The following TAFA2 variants were observed in gnomAD, a reference collection of about 807,000 sequenced individuals.
TAFA2 encodes chemokine-like protein TAFA-2.
Under a neutral mutation model 18.8 loss-of-function variants are expected in TAFA2, and 7 were observed. The ratio of observed to expected loss-of-function variants is 0.37; its 90% CI spans 0.21 to 0.70. The LOEUF (loss-of-function observed/expected upper bound fraction) is 0.70. Ranked by LOEUF, TAFA2 falls within the 30% of genes least tolerant of loss-of-function variation. TAFA2 has a pLI of 0.53. For missense variants in TAFA2, 122 were observed against 158.1 expected, an observed-to-expected ratio of 0.77 and a Z score of 1.23; for synonymous variants, 60 against 54.2, an observed-to-expected ratio of 1.11 and a Z score of -0.47.
chr12:61,916,430 G>A (rs930548670), intron 1 of TAFA2, among the ~76,000 whole-genome samples: 4 of 152,188 alleles, frequency 2.6e-5, no homozygotes, highest in African/African-American at 9.7e-5. Flanking sequence ...ACTTGGTACA[G>A]TAACCGACAT....
intron 1 of TAFA2, among the ~76,000 whole-genome samples, chr12:61,985,888 C>A (rs1223806364): frequency 1.3e-5 from 2 of 152,080 alleles, no homozygotes; most frequent in African/African-American, 4.8e-5. Context: ...CACATGTCAC[C>A]TGGTTATGCT....
rs954843638 is a variant in TAFA2, at chr12:61,856,944, G to A, written c.106+10376C>T. On this transcript the variant is annotated intron_variant, in intron 2 of 4. Coordinates refer to ENST00000416284, the MANE Select transcript of TAFA2 (RefSeq NM_178539.5). ...AGAAATGCTCACAAAAAGTGAGAAA[G>A]TAAGACACAAATCTATAAATACAGT... Among the ~76,000 whole-genome samples the A allele has an allele frequency of 5.9e-5, 9 of 151,750 alleles. No individual in the cohort carries two copies. The East Asian group carries it at 1.8e-3, about 30-fold the overall frequency.
Position 61,823,787 on chromosome 12 carries a change from G to A in TAFA2, c.106+43533C>T, listed in dbSNP as rs1010216878. On this transcript the variant is annotated intron_variant, in intron 2 of 4. Transcript: ENST00000416284. The stretch of plus-strand genomic sequence containing the variant: ...CATGAATGTTTAAGGAAAATGGGAG[G>A]AGAGTGCCCATAGAATAATACTCAC... Among the ~76,000 whole-genome samples, 10 of 152,078 alleles carry A rather than the reference G, an allele frequency of 6.6e-5. 1 individual carries two copies.
At chr12:61,921,448 C>G (rs74096121) in intron 1 of TAFA2, among the ~76,000 whole-genome samples, 14,660 of 152,062 alleles carry the variant, frequency 0.096, 2,320 homozygotes, top group African/African-American at 0.33. Context: ...AAAATTTTGG[C>G]GTTTGTGCAA....
intron 1 of TAFA2, chr12:62,255,023 AT>A (rs1468174832): frequency 6.6e-6 from 1 of 152,208 alleles, no homozygotes; most frequent in Non-Finnish European, 1.5e-5. Context: ...GGTAGTATAG[AT>A]TTCCAAGATC....
intron 1 of TAFA2, among the ~76,000 whole-genome samples, chr12:62,228,517 T>C (rs1419690820): frequency 6.6e-6 from 1 of 152,196 alleles, no homozygotes; most frequent in Non-Finnish European, 1.5e-5. Context: ...TGCATAAGCA[T>C]TCCCTTTTCT....
At chr12:61,854,813 T>A (rs187777329) in intron 2 of TAFA2, among the ~76,000 whole-genome samples, 2 of 152,316 alleles carry the variant, frequency 1.3e-5, no homozygotes, top group Admixed American at 1.3e-4. Flanking sequence ...AATTTCTTAC[T>A]TATGTTTTTC....
At chr12:62,155,290 A>C (rs2136924020) in intron 1 of TAFA2, among the ~76,000 whole-genome samples, 1 of 152,334 alleles carries the variant, frequency 6.6e-6, no homozygotes, top group East Asian at 1.9e-4. Context: ...TACTGAAAGA[A>C]ATCATAGATG....
intron 1 of TAFA2, among the ~76,000 whole-genome samples, chr12:61,994,701 A>G (rs980022318): frequency 6.6e-6 from 1 of 151,634 alleles, no homozygotes; most frequent in Non-Finnish European, 1.5e-5. Flanking sequence ...TCATTTTTTT[A>G]TATTCTAGTA....
intron 1 of TAFA2, among the ~76,000 whole-genome samples, chr12:62,222,287 C>G (rs968898436): frequency 1.3e-5 from 2 of 151,982 alleles, no homozygotes; most frequent in South Asian, 2.1e-4. Flanking sequence ...CCTACATGTA[C>G]CTTGTCCAGG....
intron 1 of TAFA2, among the ~76,000 whole-genome samples, chr12:62,042,303 A>G (rs1479371033): frequency 2.0e-5 from 3 of 151,938 alleles, no homozygotes; most frequent in African/African-American, 7.2e-5. Flanking sequence ...ATTAGGTTCA[A>G]ACAGAAACAG....
intron 1 of TAFA2, among the ~76,000 whole-genome samples, chr12:62,138,147 G>A (rs1870972255): frequency 6.6e-6 from 1 of 152,056 alleles, no homozygotes; most frequent in Non-Finnish European, 1.5e-5. Context: ...GCCAGGTGTG[G>A]TGGCACCCGC....
Position 61,809,255 on chromosome 12 carries a change from AT to A in TAFA2, c.107-54232del, listed in dbSNP as rs764414152. 3.3e-5 allele frequency among the ~76,000 whole-genome samples: 5 copies of A among 151,580 alleles called. No individual in the cohort carries two copies. In the East Asian group the frequency reaches 9.6e-4, roughly 29 times the overall value. Reference sequence around the variant, plus strand: ...TAACCTCAGGCAAAATTATTGAGCCATTATGAACCTCAGTTTTCTCATATTT... The same window carrying A: ...TAACCTCAGGCAAAATTATTGAGCCATATGAACCTCAGTTTTCTCATATTT... On this transcript the variant is annotated intron_variant, in intron 2 of 4. Transcript: ENST00000416284.
intron 1 of TAFA2, among the ~76,000 whole-genome samples, chr12:62,032,784 G>GA (rs1214768630): frequency 1.3e-5 from 2 of 151,996 alleles, no homozygotes; most frequent in Non-Finnish European, 2.9e-5. Flanking sequence ...TACCATATAT[G>GA]AATCAGACAA....
chr12:62,016,494 G>A (rs1880940357), intron 1 of TAFA2, among the ~76,000 whole-genome samples: 1 of 152,030 alleles, frequency 6.6e-6, no homozygotes, highest in African/African-American at 2.4e-5. Context: ...GAAAATACTG[G>A]AAAAGCTAAT....
chr12:62,072,155 A>C (rs1211373923), intron 1 of TAFA2, among the ~76,000 whole-genome samples: 1 of 152,118 alleles, frequency 6.6e-6, no homozygotes, highest in Non-Finnish European at 1.5e-5. Context: ...AAAATCTTGC[A>C]CCTTTTGTGT....
At chr12:61,955,753 A>C (rs1878675415) in intron 1 of TAFA2, among the ~76,000 whole-genome samples, 1 of 149,402 alleles carries the variant, frequency 6.7e-6, no homozygotes, top group African/African-American at 2.5e-5. Context: ...CAAAACTAGA[A>C]CTCCATGAAT....
At chr12:62,242,503 T>C (rs189344803) in intron 1 of TAFA2, 1 of 154,004 alleles carries the variant, frequency 6.5e-6, no homozygotes, top group Non-Finnish European at 1.5e-5. Context: ...ACTGGGTTGT[T>C]TTGAGATGAG....
chr12:61,726,210 T>C (rs961170856), intron 4 of TAFA2, among the ~76,000 whole-genome samples: 14 of 152,050 alleles, frequency 9.2e-5, no homozygotes, highest in Middle Eastern at 3.4e-3. Context: ...TTATCTCTAA[T>C]TGGTGGGCTC....
Sources: gnomAD v4.1 joint callset for allele counts (sites outside exome capture counted in the v4.1 genomes callset) on GRCh38, gnomAD v4.1.1 for gene constraint, MANE v1.5 for transcripts, NCBI Gene and HGNC (gene_info 2026-07-23, HGNC 2026-07-21) for gene names.